The following MX1 variants were observed in gnomAD, a reference collection of about 807,000 sequenced individuals.
MX1 encodes interferon-induced GTP-binding protein Mx1.
Under a neutral mutation model 66.4 loss-of-function variants are expected in MX1, and 66 were observed. The observed-to-expected ratio is 0.99, with a 90% CI of 0.82 to 1.22. The LOEUF (loss-of-function observed/expected upper bound fraction) is 1.22, where lower values mean the gene tolerates loss of function less well. Ranked by LOEUF, MX1 falls within the 50% of genes most tolerant of loss-of-function variation. The pLI, the probability that MX1 is intolerant of heterozygous loss-of-function variation, is 0.00. For missense variants in MX1, 787 were observed against 834.3 expected (o/e 0.94, Z 0.70); for synonymous variants, 311 against 318.1 (o/e 0.98, Z 0.24).
Position 41,441,673 on chromosome 21 carries a change from C to T in MX1, c.731-43C>T, listed in dbSNP as rs200274669. ...AGCAGTTGTTCGTTCACCTCTGCCT[C>T]GTGACTGAGCACGTTCTCTCCCCAA... On this transcript the variant is annotated intron_variant, in intron 9 of 16. Transcript: ENST00000398598. The surrounding 1 kb of genome is among the most constrained non-coding windows in gnomAD (Gnocchi z 4.0). 7 of 1,605,502 alleles carry T rather than the reference C, an allele frequency of 4.4e-6. No homozygotes were observed. Among genetic ancestry groups the T allele is most frequent in the East Asian group, 4.5e-5 (2 of 44,832 alleles).
At chr21:41,428,772 G>T (rs939258694) in intron 3 of MX1, 6 of 152,230 alleles carry the variant, frequency 3.9e-5, no homozygotes, top group Non-Finnish European at 8.8e-5. Context: ...AAACACGTAT[G>T]TTTATTGTTT....
At chr21:41,434,798 A>C (rs1286218555) in intron 5 of MX1, among the ~76,000 whole-genome samples, 1 of 152,216 alleles carries the variant, frequency 6.6e-6, no homozygotes, top group African/African-American at 2.4e-5. Context: ...ATGTTCAAAC[A>C]TTCAATTATC....
chr21:41,440,947 C>G lies in MX1; in HGVS notation c.652C>G (p.Pro218Ala), dbSNP rs752706151. Reference sequence around the variant, plus strand: ...GGAGACAATCAGCCTGGTGGTGGTCCCCAGTAATGTGGACATCGCCACCAC... The same window carrying G: ...GGAGACAATCAGCCTGGTGGTGGTCGCCAGTAATGTGGACATCGCCACCAC... ...RQETISLVVV[P>A]SNVDIATTEA... is the part of the protein sequence containing the mutation. Residue 218 changes from proline (P) to alanine (A), a missense_variant, in exon 9 of 17, where the codon CCC (proline) becomes GCC (alanine). Transcript: ENST00000398598. 1 of 1,614,142 alleles carries G rather than the reference C, an allele frequency of 6.2e-7. No homozygotes were observed. Among genetic ancestry groups the G allele is most frequent in the Non-Finnish European group, 8.5e-7 (1 of 1,180,002 alleles).
chr21:41,421,414 C>T (rs1052170638), upstream of MX1: 1 of 153,610 alleles, frequency 6.5e-6, no homozygotes, highest in East Asian at 1.9e-4. Context: ...AGCACAGACC[C>T]TTTATGGGTG....
intron 14 of MX1, among the ~76,000 whole-genome samples, chr21:41,450,073 A>T (rs1688770993): frequency 6.6e-6 from 1 of 152,198 alleles, no homozygotes; most frequent in South Asian, 2.1e-4. Flanking sequence ...GACAAAGACA[A>T]AATATTTATA....
At chr21:41,456,380 A>G (rs2090959706) in intron 16 of MX1, among the ~76,000 whole-genome samples, 1 of 152,230 alleles carries the variant, frequency 6.6e-6, no homozygotes, top group South Asian at 2.1e-4. Context: ...GCCAGCAGGA[A>G]GAGCAGGCCA....
chr21:41,431,880 G>A (rs960083836), intron 4 of MX1, 170 bp from the exon 5 acceptor site: 7 of 574,482 alleles, frequency 1.2e-5, no homozygotes, highest in Non-Finnish European at 2.2e-5. Context: ...TAAAAAGCCA[G>A]TGAGCACACA....
rs749302909 is a variant in MX1 at position 41,451,235 on chromosome 21, A to G, written c.1501A>G (p.Thr501Ala). ...NFEEFFNLHR[T>A]AKSKIEDIRA... ...TGAAGAGTTTTTTAACCTCCACAGA[A>G]CCGCCAAGGTAAAACCAACCATGTG... Residue 501 changes from threonine to alanine, a missense_variant, in exon 15 of 17, where the codon ACC becomes GCC. Thr to Ala is a moderately conservative substitution (Grantham distance 58). Transcript: ENST00000398598. 2 of 1,608,702 alleles carry G rather than the reference A, an allele frequency of 1.2e-6. No homozygotes were observed. The highest frequency in any genetic ancestry group is 2.2e-5 in the East Asian group (1 of 44,818).
intron 5 of MX1, 92 bp downstream of exon 5, chr21:41,432,267 A>T: frequency 4.4e-6 from 5 of 1,131,230 alleles, no homozygotes; most frequent in Non-Finnish European, 5.3e-6. Context: ...TGCTGCCCAG[A>T]TATGCCTGCT....
Position 41,451,230 on chromosome 21 carries a change from A to C in MX1, c.1496A>C (p.His499Pro). The C allele has an allele frequency of 3.1e-6, 5 of 1,610,260 alleles. No individual in the cohort carries two copies. The highest frequency in any genetic ancestry group is 4.2e-6 in the Non-Finnish European group (5 of 1,176,872). ...AATTTTGAAGAGTTTTTTAACCTCC[A>C]CAGAACCGCCAAGGTAAAACCAACC... Reference protein sequence around the residue: ...IKNFEEFFNLHRTAKSKIEDI... With the variant: ...IKNFEEFFNLPRTAKSKIEDI... The change falls in exon 15 of 17, where the codon CAC becomes CCC. Residue 499 changes from histidine to proline, a missense_variant. Coordinates refer to ENST00000398598, the MANE Select transcript of MX1 (RefSeq NM_002462.5).
intron 5 of MX1, among the ~76,000 whole-genome samples, 190 bp downstream of exon 5, chr21:41,432,365 G>A (rs1362749290): frequency 2.6e-5 from 4 of 152,216 alleles, no homozygotes; most frequent in African/African-American, 9.6e-5. Context: ...TTAGCTCACC[G>A]TGGGTGGAGG....
chr21:41,445,854 A>G (rs2090646797), intron 12 of MX1, 146 bp from the exon 13 acceptor site: 1 of 1,099,810 alleles, frequency 9.1e-7, no homozygotes, highest in South Asian at 1.6e-5. Context: ...TTCTAGTGCC[A>G]AAACCTCTTC....
chr21:41,428,577 G>A (rs1272049172), intron 3 of MX1: 1 of 152,224 alleles, frequency 6.6e-6, no homozygotes, highest in Non-Finnish European at 1.5e-5. Flanking sequence ...TTCCGAAAAC[G>A]CTTCAGACAT....
chr21:41,425,661 C>G (rs746552611), upstream of MX1, among the ~76,000 whole-genome samples: 3 of 152,086 alleles, frequency 2.0e-5, no homozygotes, highest in African/African-American at 4.8e-5. Context: ...TCCACACACC[C>G]GTTTCCACCC....
intron 11 of MX1, among the ~76,000 whole-genome samples, chr21:41,444,865 G>C (rs992901838): frequency 6.6e-6 from 1 of 152,060 alleles, no homozygotes; most frequent in South Asian, 2.1e-4. Flanking sequence ...TGTTACTGGG[G>C]CTGGCCTCTG....
Position 41,439,708 on chromosome 21 carries a change from G to A in MX1, c.451G>A (p.Ala151Thr), listed in dbSNP as rs140022520. 3.0e-3 allele frequency: 4,893 copies of A among 1,613,656 alleles called. 14 individuals carry two copies. The highest frequency in any genetic ancestry group is 3.8e-3 in the Non-Finnish European group (4,529 of 1,179,672). The change falls in exon 8 of 17, where the codon GCC becomes ACC. Residue 151 changes from alanine (A) to threonine (T), a missense_variant. Physicochemically the swap from Ala to Thr is moderately conservative, Grantham distance 58. Coordinates refer to ENST00000398598, the MANE Select transcript of MX1 (RefSeq NM_002462.5). Reference protein sequence around the residue: ...KEINKAQNAIAGEGMGISHEL... With the variant: ...KEINKAQNAITGEGMGISHEL... ...CTCTTTTCTAGCCCAGAATGCCATC[G>A]CCGGGGAAGGAATGGGAATCAGTCA...
chr21:41,436,528 A>G (rs2090367515), intron 6 of MX1, among the ~76,000 whole-genome samples: 1 of 152,242 alleles, frequency 6.6e-6, no homozygotes, highest in African/African-American at 2.4e-5. Flanking sequence ...GTGAGGTCTC[A>G]AAGAGTTCAG....
chr21:41,452,884 G>T lies in MX1; in HGVS notation c.1758+15G>T. On this transcript the variant is annotated intron_variant, in intron 16 of 16. Transcript: ENST00000398598. Reference sequence around the variant, plus strand: ...CCTATCACCAGGTACGTCTTCGCGTGGTTCAGGATGCCAGCTTCCATTCTT... The same window carrying T: ...CCTATCACCAGGTACGTCTTCGCGTTGTTCAGGATGCCAGCTTCCATTCTT... 6.2e-7 allele frequency: 1 copy of T among 1,610,584 alleles called. No individual in the cohort carries two copies. The highest frequency in any genetic ancestry group is 8.5e-7 in the Non-Finnish European group (1 of 1,178,174).
At chr21:41,430,074 G>C (rs2090170524) in intron 3 of MX1, among the ~76,000 whole-genome samples, 1 of 152,156 alleles carries the variant, frequency 6.6e-6, no homozygotes, top group Non-Finnish European at 1.5e-5. Context: ...ACCCATGGCA[G>C]CACTTCCCAA....
Sources: allele counts gnomAD v4.1 joint callset (sites outside exome capture counted in the v4.1 genomes callset), GRCh38; gene constraint gnomAD v4.1.1; non-coding constraint Gnocchi (gnomAD v3.1); transcripts MANE v1.5; gene names NCBI Gene and HGNC (gene_info 2026-07-23, HGNC 2026-07-21).